The following AR variants were observed in gnomAD, a reference collection of about 807,000 sequenced individuals.
AR encodes the protein dihydrotestosterone receptor.
In AR, 8 loss-of-function variants were observed where a neutral mutation model predicts 53.9. That is an observed-to-expected ratio of 0.15 (90% CI 0.09 to 0.27). AR has a LOEUF of 0.27. AR is among the 10% of genes least tolerant of loss of function. The pLI is 1.00. For synonymous variants in AR, 359 were observed against 316.4 expected (o/e 1.13, Z -1.43); for missense variants, 639 against 742.5 (o/e 0.86, Z 1.62).
intron 1 of AR, among the ~76,000 whole-genome samples, chrX:67,639,508 T>C (rs997963863): frequency 5.4e-5 from 6 of 111,654 alleles, no homozygotes; most frequent in Non-Finnish European, 7.5e-5. Flanking sequence ...CAGTGGTTTG[T>C]AATTCTCCTT....
intron 2 of AR, among the ~76,000 whole-genome samples, chrX:67,685,745 A>T (rs188047761): frequency 9.0e-6 from 1 of 111,232 alleles, no homozygotes; most frequent in East Asian, 2.9e-4. Context: ...AAAACCATTG[A>T]GTAGTCCTAA....
intron 1 of AR, among the ~76,000 whole-genome samples, chrX:67,628,281 C>A (rs1437188787): frequency 9.7e-6 from 1 of 103,525 alleles, no homozygotes; most frequent in African/African-American, 3.3e-5. Context: ...ATGGAATGTT[C>A]TTCCATTTGT....
intron 1 of AR, among the ~76,000 whole-genome samples, chrX:67,556,190 A>G (rs767453325): frequency 6.6e-4 from 74 of 111,788 alleles, no homozygotes; most frequent in African/African-American, 2.3e-3. Context: ...CCATTATAAA[A>G]ATTGTGCAAA....
In AR at chrX:67,545,987, C is replaced by A; in HGVS notation, c.841C>A (p.Pro281Thr). The A allele has an allele frequency of 8.2e-7, 1 of 1,212,336 alleles. No individual in the cohort carries two copies. The highest frequency in any genetic ancestry group is 1.1e-6 in the Non-Finnish European group (1 of 895,645). ...PLLGVPPAVR[P>T]TPCAPLAECK... The stretch of plus-strand genomic sequence containing the variant: ...TTTGGGAGTTCCACCCGCTGTGCGT[C>A]CCACTCCTTGTGCCCCATTGGCCGA... Residue 281 changes from proline (P) to threonine (T), a missense_variant, in exon 1 of 8, where the codon CCC becomes ACC. By Grantham distance (38) the Pro-to-Thr change is conservative (BLOSUM62 -1). Coordinates refer to ENST00000374690, the MANE Select transcript of AR (RefSeq NM_000044.6).
intron 3 of AR, among the ~76,000 whole-genome samples, chrX:67,706,939 T>G (rs2076070789): frequency 8.9e-6 from 1 of 112,209 alleles, no homozygotes; most frequent in Non-Finnish European, 1.9e-5. Context: ...TTGTTCAGTT[T>G]CCATGTAGTA....
At chrX:67,628,420 A>C (rs1190484561) in intron 1 of AR, among the ~76,000 whole-genome samples, 1 of 104,488 alleles carries the variant, frequency 9.6e-6, no homozygotes, top group African/African-American at 3.3e-5. Flanking sequence ...GAGTTCACTC[A>C]TGATTTGGCT....
chrX:67,660,781 T>G (rs1926859389), intron 2 of AR, among the ~76,000 whole-genome samples: 1 of 111,858 alleles, frequency 8.9e-6, no homozygotes, highest in African/African-American at 3.3e-5. Context: ...GAGGATGGCA[T>G]TGAATCTATA....
intron 1 of AR, among the ~76,000 whole-genome samples, chrX:67,637,542 G>T (rs1352644319): frequency 9.2e-6 from 1 of 108,819 alleles, no homozygotes; most frequent in Non-Finnish European, 1.9e-5. Flanking sequence ...ATTCCACGGT[G>T]TATATGTGCC....
intron 2 of AR, among the ~76,000 whole-genome samples, chrX:67,652,486 G>T (rs1926391363): frequency 1.8e-5 from 2 of 112,072 alleles, no homozygotes; most frequent in African/African-American, 6.5e-5. Flanking sequence ...CAAAAAATCT[G>T]GTCAAACCAT....
chrX:67,686,326 C>A (rs2147498326), intron 3 of AR, among the ~76,000 whole-genome samples, 200 bp downstream of exon 3: 1 of 111,158 alleles, frequency 9.0e-6, no homozygotes, highest in South Asian at 3.9e-4. Flanking sequence ...TATACCAATC[C>A]CCATTCCGGG....
chrX:67,572,626 G>T (rs1447926324), intron 1 of AR, among the ~76,000 whole-genome samples: 1 of 111,244 alleles, frequency 9.0e-6, no homozygotes, highest in Non-Finnish European at 1.9e-5. Context: ...GCTTCTTAAA[G>T]TTTATAGTGA....
At chrX:67,565,594 A>G (rs1921523212) in intron 1 of AR, among the ~76,000 whole-genome samples, 1 of 111,941 alleles carries the variant, frequency 8.9e-6, no homozygotes, top group Non-Finnish European at 1.9e-5. Context: ...GGTAGGCACA[A>G]CAGGGATCAA....
intron 1 of AR, among the ~76,000 whole-genome samples, chrX:67,609,582 A>G (rs1001301575): frequency 9.0e-6 from 1 of 111,076 alleles, no homozygotes; most frequent in Non-Finnish European, 1.9e-5. Context: ...AAATTATTCT[A>G]AGAAAAGACA....
intron 4 of AR, among the ~76,000 whole-genome samples, chrX:67,715,354 C>T (rs970868106): frequency 3.8e-4 from 42 of 111,139 alleles, no homozygotes; most frequent in African/African-American, 1.3e-3. Context: ...GGTCTGTCAG[C>T]GTGTCATTAC....
intron 1 of AR, among the ~76,000 whole-genome samples, chrX:67,557,122 G>C (rs1161534883): frequency 9.1e-6 from 1 of 109,524 alleles, no homozygotes; most frequent in Non-Finnish European, 1.9e-5. Context: ...TACTGTATGT[G>C]GGGGGAAGAG....
At chrX:67,656,096 T>C (rs981015730) in intron 2 of AR, among the ~76,000 whole-genome samples, 5 of 112,006 alleles carry the variant, frequency 4.5e-5, no homozygotes, top group African/African-American at 1.6e-4. Flanking sequence ...CTCCCTGCGT[T>C]CTGGGCCCTG....
At chrX:67,663,385 G>A (rs190637113) in intron 2 of AR, among the ~76,000 whole-genome samples, 1 of 111,763 alleles carries the variant, frequency 8.9e-6, no homozygotes, top group East Asian at 2.8e-4. Flanking sequence ...CACCTATGAA[G>A]GTTAGTTTGG....
At chrX:67,660,929 A>C (rs1173214792) in intron 2 of AR, among the ~76,000 whole-genome samples, 7 of 111,218 alleles carry the variant, frequency 6.3e-5, no homozygotes, top group Non-Finnish European at 5.7e-5. Flanking sequence ...AGGTCCTTCA[A>C]GTCCCTTGTA....
chrX:67,705,221 A>G (rs1451542629), intron 3 of AR, among the ~76,000 whole-genome samples: 1 of 111,453 alleles, frequency 9.0e-6, no homozygotes, highest in Non-Finnish European at 1.9e-5. Context: ...CATTGAATCT[A>G]TGAATTACCT....
Sources: gnomAD v4.1 joint callset for allele counts (sites outside exome capture counted in the v4.1 genomes callset) on GRCh38, gnomAD v4.1.1 for gene constraint, MANE v1.5 for transcripts, NCBI Gene and HGNC (gene_info 2026-07-23, HGNC 2026-07-21) for gene names.